The following DPYD variants were observed in gnomAD, a reference collection of about 807,000 sequenced individuals.
The protein encoded by DPYD is dihydropyrimidine dehydrogenase [NADP(+)].
In DPYD, 109 loss-of-function variants were observed where a neutral mutation model predicts 116.2. The ratio of observed to expected loss-of-function variants is 0.94; its 90% CI spans 0.80 to 1.10. DPYD has a LOEUF of 1.10. Among genes scored for constraint, DPYD ranks in the 50% least tolerant of loss-of-function variants. The probability of loss-of-function intolerance (pLI) is 0.00; values close to 1 mark genes in which losing one functional copy is unlikely to be tolerated. For synonymous variants in DPYD, 440 were observed against 432.0 expected, an observed-to-expected ratio of 1.02 and a Z score of -0.23; for missense variants, 1,302 against 1,254.5, an observed-to-expected ratio of 1.04 and a Z score of -0.57.
chr1:97,549,466 C>T (rs1456199342), intron 12 of DPYD, 94 bp downstream of exon 12: 15 of 1,359,208 alleles, frequency 1.1e-5, no homozygotes, highest in Non-Finnish European at 1.5e-5. Flanking sequence ...TTATTATATA[C>T]CAAATAGAAA....
chr1:97,614,984 C>G (rs1656176422), intron 8 of DPYD, among the ~76,000 whole-genome samples: 1 of 152,030 alleles, frequency 6.6e-6, no homozygotes. Context: ...AGGGCAATAT[C>G]TAGTTTTTCA....
chr1:97,619,914 A>G (rs897785182), intron 8 of DPYD, among the ~76,000 whole-genome samples: 2 of 152,204 alleles, frequency 1.3e-5, no homozygotes, highest in Non-Finnish European at 2.9e-5. Context: ...GTTAAATCAA[A>G]TTCAAACATC....
chr1:97,549,578 G>A lies in DPYD; in HGVS notation c.1506C>T (p.Tyr502=). 1.2e-6 allele frequency: 2 copies of A among 1,613,808 alleles called. No homozygotes were observed. Among genetic ancestry groups the A allele is most frequent in the Non-Finnish European group, 1.7e-6 (2 of 1,179,802 alleles). Residue 502 remains tyrosine (Y), a synonymous_variant, in exon 12 of 23, where the codon TAC becomes TAT. Coordinates refer to ENST00000370192, the MANE Select transcript of DPYD (RefSeq NM_000110.4). The part of the protein sequence containing the change: ...SVNDGKQASW[Y]IHKYVQSQYG... ...TGCCTACCTGTACGTATTTGTGAAT[G>A]TACCAAGAAGCTTGCTTTCCATCAT...
At chr1:97,777,360 G>C (rs1007880902) in intron 3 of DPYD, among the ~76,000 whole-genome samples, 1 of 152,160 alleles carries the variant, frequency 6.6e-6, no homozygotes, top group African/African-American at 2.4e-5. Flanking sequence ...TAAGGCCAAA[G>C]AGACTGCAAA....
chr1:97,198,659 T>A (rs1195897470), intron 19 of DPYD, among the ~76,000 whole-genome samples: 1 of 152,174 alleles, frequency 6.6e-6, no homozygotes, highest in Non-Finnish European at 1.5e-5. Context: ...ATCTCTTAAT[T>A]GTTTGTTTAA....
intron 1 of DPYD, among the ~76,000 whole-genome samples, chr1:97,888,212 A>G (rs74641105): frequency 7.6e-4 from 116 of 152,208 alleles, no homozygotes; most frequent in Middle Eastern, 3.4e-3. Context: ...GAAAAATACA[A>G]TAGCTGATAT....
intron 22 of DPYD, among the ~76,000 whole-genome samples, chr1:97,081,502 A>G (rs1249412142): frequency 6.6e-6 from 1 of 152,010 alleles, no homozygotes; most frequent in Admixed American, 6.6e-5. Flanking sequence ...TGTTATGATC[A>G]TTTTTTCATT....
chr1:97,528,809 C>T (rs1157425784), intron 12 of DPYD, among the ~76,000 whole-genome samples: 2 of 152,142 alleles, frequency 1.3e-5, no homozygotes, highest in African/African-American at 2.4e-5. Flanking sequence ...CTGACTTCTG[C>T]ATTCTCCTTG....
intron 5 of DPYD, among the ~76,000 whole-genome samples, chr1:97,717,373 C>T (rs751768317): frequency 6.6e-6 from 1 of 152,004 alleles, no homozygotes; most frequent in Non-Finnish European, 1.5e-5. Flanking sequence ...GAATGAGTCA[C>T]CTGATTTCAT....
At chr1:97,501,897 T>A (rs893569868) in intron 13 of DPYD, among the ~76,000 whole-genome samples, 4 of 152,054 alleles carry the variant, frequency 2.6e-5, no homozygotes, top group Non-Finnish European at 5.9e-5. Context: ...AACACATTAA[T>A]TTTACATAGA....
rs143514689 is a variant in DPYD at position 97,868,637 on chromosome 1, A to C, written c.150+14627T>G. 2.8e-4 allele frequency among the ~76,000 whole-genome samples: 43 copies of C among 151,946 alleles called. 2 individuals carry two copies. The East Asian group carries it at 7.6e-3, about 27-fold the overall frequency. On this transcript the variant is annotated intron_variant, in intron 2 of 22. Coordinates refer to ENST00000370192, the MANE Select transcript of DPYD (RefSeq NM_000110.4). The stretch of plus-strand genomic sequence containing the variant: ...CCATAATTATCAAGATTTCTATTTA[A>C]CAGTGAAAGAAACTAGAGCTAGCTA...
chr1:97,217,726 G>T (rs1185099538), intron 19 of DPYD, among the ~76,000 whole-genome samples: 1 of 152,102 alleles, frequency 6.6e-6, no homozygotes, highest in East Asian at 1.9e-4. Flanking sequence ...ACTAGAGACA[G>T]ATACAATTAC....
chr1:97,217,210 A>C (rs1660468769), intron 19 of DPYD, among the ~76,000 whole-genome samples: 1 of 152,212 alleles, frequency 6.6e-6, no homozygotes, highest in Non-Finnish European at 1.5e-5. Context: ...TCTGTCTCAA[A>C]AAACAAACAA....
intron 3 of DPYD, among the ~76,000 whole-genome samples, chr1:97,769,446 C>T (rs1322002048): frequency 6.6e-6 from 1 of 152,020 alleles, no homozygotes; most frequent in Admixed American, 6.6e-5. Flanking sequence ...AAAACATTTG[C>T]CATTATATGA....
intron 2 of DPYD, among the ~76,000 whole-genome samples, chr1:97,834,082 T>A (rs1210138723): frequency 6.6e-6 from 1 of 152,084 alleles, no homozygotes; most frequent in African/African-American, 2.4e-5. Flanking sequence ...ACAATGGACC[T>A]AGACAGCTTA....
intron 3 of DPYD, among the ~76,000 whole-genome samples, chr1:97,777,846 T>C (rs1666501650): frequency 6.6e-6 from 1 of 151,994 alleles, no homozygotes; most frequent in South Asian, 2.1e-4. Context: ...CAAGTTTTTC[T>C]CTTAAGATTA....
At chr1:97,906,132 C>T (rs1314028665) in intron 1 of DPYD, among the ~76,000 whole-genome samples, 2 of 152,050 alleles carry the variant, frequency 1.3e-5, no homozygotes, top group Admixed American at 6.6e-5. Flanking sequence ...GCCAGGACAG[C>T]CTTCCTTCAC....
rs149532554 is a variant in DPYD at position 97,763,055 on chromosome 1, A to G, written c.234-22576T>C. Reference sequence around the variant, plus strand: ...GTAAATGTCCAATAAATATTTTGCTATCCTCATTAACACCCAGCATGAAAG... The same window carrying G: ...GTAAATGTCCAATAAATATTTTGCTGTCCTCATTAACACCCAGCATGAAAG... On this transcript the variant is annotated intron_variant, in intron 3 of 22. Transcript: ENST00000370192. Among the ~76,000 whole-genome samples the G allele has an allele frequency of 9.5e-3, 1,438 of 152,166 alleles. 22 individuals are homozygous for G. Among genetic ancestry groups the G allele is most frequent in the African/African-American group, 0.032 (1,324 of 41,542 alleles).
At chr1:97,651,669 T>C (rs1658592068) in intron 8 of DPYD, among the ~76,000 whole-genome samples, 1 of 152,112 alleles carries the variant, frequency 6.6e-6, no homozygotes, top group Non-Finnish European at 1.5e-5. Context: ...TAATAGATTT[T>C]GCAGCAAAAA....
Sources: gnomAD v4.1 joint callset for allele counts (sites outside exome capture counted in the v4.1 genomes callset) on GRCh38, gnomAD v4.1.1 for gene constraint, MANE v1.5 for transcripts, NCBI Gene and HGNC (gene_info 2026-07-23, HGNC 2026-07-21) for gene names.